Variants in MEF2A observed in about 807,000 individuals in gnomAD.
MEF2A encodes myocyte enhancer factor 2A.
A neutral mutation model predicts 55.8 loss-of-function variants in MEF2A; 28 were observed. That is an observed-to-expected ratio of 0.50 (90% CI 0.37 to 0.69). The LOEUF (loss-of-function observed/expected upper bound fraction) is 0.69, where lower values mean the gene tolerates loss of function less well. Among genes scored for constraint, MEF2A ranks in the 30% least tolerant of loss-of-function variants. MEF2A has a pLI of 0.00. For missense variants in MEF2A, 528 were observed against 626.2 expected (o/e 0.84, Z 1.67); for synonymous variants, 239 against 227.1 (o/e 1.05, Z -0.47).
chr15:99,566,424 C>G (rs1247698663), intron 1 of MEF2A: 1 of 142,416 alleles, frequency 7.0e-6, no homozygotes, highest in East Asian at 2.2e-4. Context: ...GGGCGGGGTG[C>G]CCTGAGGGCG....
intron 2 of MEF2A, among the ~76,000 whole-genome samples, chr15:99,605,073 G>T (rs909793553): frequency 5.9e-5 from 9 of 152,126 alleles, no homozygotes; most frequent in Non-Finnish European, 1.3e-4. Context: ...ATCCTCCCAA[G>T]CAGCTGGGAC....
At chr15:99,669,779 T>C (rs2050490745) in intron 4 of MEF2A, among the ~76,000 whole-genome samples, 1 of 152,242 alleles carries the variant, frequency 6.6e-6, no homozygotes, top group African/African-American at 2.4e-5. Flanking sequence ...GCTTATGTTC[T>C]ACTTCATTCA....
chr15:99,612,210 T>A (rs2039385880), intron 2 of MEF2A, among the ~76,000 whole-genome samples: 1 of 152,018 alleles, frequency 6.6e-6, no homozygotes, highest in African/African-American at 2.4e-5. Context: ...GGTCAGGAGA[T>A]CGAGACTATC....
intron 11 of MEF2A, 105 bp downstream of exon 11, chr15:99,710,865 TG>T: frequency 2.3e-6 from 3 of 1,311,772 alleles, no homozygotes; most frequent in South Asian, 1.5e-5. Flanking sequence ...TGAGGAATCC[TG>T]TAATGATTCC....
At chr15:99,672,379 A>G (rs573840957) in intron 5 of MEF2A, among the ~76,000 whole-genome samples, 6 of 152,366 alleles carry the variant, frequency 3.9e-5, no homozygotes, top group African/African-American at 1.4e-4. Flanking sequence ...ACCATAGTGA[A>G]AGAGTATTTT....
At chr15:99,587,703 TATAAC>T (rs752600454) in intron 1 of MEF2A, among the ~76,000 whole-genome samples, 14 of 152,234 alleles carry the variant, frequency 9.2e-5, no homozygotes, top group African/African-American at 2.9e-4. Context: ...TTGAAACTAA[TATAAC>T]ATATTTTTAC....
intron 7 of MEF2A, among the ~76,000 whole-genome samples, chr15:99,687,318 A>G (rs1023469331): frequency 6.6e-6 from 1 of 151,414 alleles, no homozygotes; most frequent in Admixed American, 6.6e-5. Flanking sequence ...CACAGCAGAC[A>G]CTCAGTTTTT....
At position 99,712,971 on chromosome 15, in the gene MEF2A, C is replaced by T; in HGVS notation, c.*200C>T. On this transcript the variant is annotated 3_prime_UTR_variant, in exon 12 of 12. Coordinates refer to ENST00000557942, the MANE Select transcript of MEF2A (RefSeq NM_001319206.4). This position sits in a 1 kb window ranked among gnomAD's most constrained non-coding sequence, Gnocchi z 4.1. ...ACAGAATCAGGCACTTACCTGCAAA[C>T]TCCTTGTAGGTCTGCAGATGTGTGT... 3.1e-6 allele frequency: 2 copies of T among 635,520 alleles called. No homozygotes were observed. The highest frequency in any genetic ancestry group is 3.0e-5 in the Admixed American group (1 of 33,454). The allele number at this position is 635,520 out of a possible 1,614,324, so 39.4% of individuals were successfully genotyped here.
intron 7 of MEF2A, among the ~76,000 whole-genome samples, chr15:99,689,789 G>A (rs776472110): frequency 6.6e-6 from 1 of 152,022 alleles, no homozygotes; most frequent in African/African-American, 2.4e-5. Context: ...CCAGAAATGT[G>A]TTGTGTGTTA....
At position 99,712,249 on chromosome 15, in the gene MEF2A, A is replaced by T; in HGVS notation, c.1137-141A>T. 2 of 1,389,716 alleles carry T rather than the reference A, an allele frequency of 1.4e-6. No homozygotes were observed. The highest frequency in any genetic ancestry group is 3.3e-5 in the South Asian group (2 of 61,434). The allele number at this position is 1,389,716 out of a possible 1,614,324, so 86.1% of individuals were successfully genotyped here. The stretch of plus-strand genomic sequence containing the variant: ...CCTTTTGTGCCAAGCACTGAAGGAA[A>T]CGACCCAAACCAGTCTTGGGGAACT... On this transcript the variant is annotated intron_variant, in intron 11 of 11. Coordinates refer to ENST00000557942, the MANE Select transcript of MEF2A (RefSeq NM_001319206.4). The surrounding 1 kb of genome is among the most constrained non-coding windows in gnomAD (Gnocchi z 4.1).
rs779104807 is a variant in MEF2A at position 99,645,760 on chromosome 15, T to C, written c.254T>C (p.Val85Ala). ...GAAAGCAGAACCAACTCGGATATTG[T>C]TGAGGTAACACATATCTAGTAATAC... The part of the protein sequence containing the change: ...PHESRTNSDI[V>A]ETLRKKGLNG... The change falls in exon 4 of 12, where the codon GTT becomes GCT. Residue 85 changes from valine (V) to alanine (A), a missense_variant. Val to Ala is a moderately conservative substitution (Grantham distance 64). Coordinates refer to ENST00000557942, the MANE Select transcript of MEF2A (RefSeq NM_001319206.4). 1 of 1,596,588 alleles carries C rather than the reference T, an allele frequency of 6.3e-7. No homozygotes were observed. The highest frequency in any genetic ancestry group is 8.6e-7 in the Non-Finnish European group (1 of 1,168,634).
intron 4 of MEF2A, among the ~76,000 whole-genome samples, chr15:99,669,402 A>G (rs997974616): frequency 7.2e-5 from 11 of 152,200 alleles, no homozygotes; most frequent in Non-Finnish European, 1.3e-4. Context: ...CTGAGTGTCT[A>G]CATTTTCACT....
intron 1 of MEF2A, among the ~76,000 whole-genome samples, chr15:99,597,691 G>A (rs371427511): frequency 1.4e-4 from 21 of 152,056 alleles, no homozygotes; most frequent in Admixed American, 5.2e-4. Flanking sequence ...GGAACCTACC[G>A]ACATGTGATG....
At chr15:99,640,446 C>G (rs1395840043) in intron 3 of MEF2A, among the ~76,000 whole-genome samples, 1 of 152,080 alleles carries the variant, frequency 6.6e-6, no homozygotes, top group Non-Finnish European at 1.5e-5. Flanking sequence ...TACCTTACCT[C>G]ACCTTGATAT....
chr15:99,688,480 G>A (rs1023835795), intron 7 of MEF2A, among the ~76,000 whole-genome samples: 2 of 152,128 alleles, frequency 1.3e-5, no homozygotes, highest in African/African-American at 4.8e-5. Context: ...AATGCTGGCC[G>A]GACACGTTGG....
chr15:99,587,515 A>G (rs188992077), intron 1 of MEF2A, among the ~76,000 whole-genome samples: 2 of 152,320 alleles, frequency 1.3e-5, no homozygotes, highest in Admixed American at 6.5e-5. Flanking sequence ...TGTTGAATCT[A>G]TAGATCATTT....
chr15:99,690,451 T>G, intron 8 of MEF2A, 23 bp downstream of exon 8: 1 of 1,562,170 alleles, frequency 6.4e-7, no homozygotes, highest in Non-Finnish European at 8.7e-7. Context: ...TTTCTTCAAC[T>G]TCATTCTTTA....
rs2051295117 is a variant in MEF2A, at chr15:99,673,551, A to AT, written c.391-838dup. Among the ~76,000 whole-genome samples the AT allele has an allele frequency of 5.3e-5, 8 of 152,148 alleles. No individual in the cohort carries two copies. In the Middle Eastern group the frequency reaches 0.017, roughly 323 times the overall value. ...AATGAGGGCAGAGTAAAGTTGTTTT[A>AT]TTTTCTCCCACTTTAAATTGTAAAG... On this transcript the variant is annotated intron_variant, in intron 5 of 11. Coordinates refer to ENST00000557942, the MANE Select transcript of MEF2A (RefSeq NM_001319206.4).
chr15:99,650,279 C>A (rs573962414), intron 4 of MEF2A, among the ~76,000 whole-genome samples: 23 of 152,294 alleles, frequency 1.5e-4, no homozygotes, highest in African/African-American at 5.3e-4. Context: ...ATTAACCTTT[C>A]CCCTTGCTCC....
Sources: allele counts gnomAD v4.1 joint callset (sites outside exome capture counted in the v4.1 genomes callset), GRCh38; gene constraint gnomAD v4.1.1; non-coding constraint Gnocchi (gnomAD v3.1); transcripts MANE v1.5; gene names NCBI Gene and HGNC (gene_info 2026-07-23, HGNC 2026-07-21).